Variants in LYRM2 observed in about 807,000 individuals in gnomAD.
LYRM2 encodes LYR motif containing 2, also known as LYR motif-containing protein 2.
A neutral mutation model predicts 11.6 loss-of-function variants in LYRM2; 8 were observed. That is an observed-to-expected ratio of 0.69 (90% CI 0.40 to 1.24). The LOEUF (loss-of-function observed/expected upper bound fraction) is 1.24. Ranked by LOEUF, LYRM2 falls within the 50% of genes most tolerant of loss-of-function variation. The pLI, the probability that LYRM2 is intolerant of heterozygous loss-of-function variation, is 0.01. For missense variants in LYRM2, 117 were observed against 102.9 expected (o/e 1.14, Z -0.59); for synonymous variants, 30 against 36.4 (o/e 0.83, Z 0.63).
In LYRM2 at chr6:89,637,754, A is replaced by T; in HGVS notation, c.174T>A (p.Ser58Arg). 6.2e-7 allele frequency: 1 copy of T among 1,613,896 alleles called. No individual in the cohort carries two copies. Among genetic ancestry groups the T allele is most frequent in the Non-Finnish European group, 8.5e-7 (1 of 1,179,902 alleles). Residue 58 changes from serine (S) to arginine (R), a missense_variant, in exon 2 of 3, where the codon AGT becomes AGA. Ser to Arg is a moderately radical substitution (Grantham distance 110). Transcript: ENST00000523377. ...ATTTTGTTCTCACCTCTTCGGTGGC[A>T]CTTTTGTTTCTTCTGAATTCTTCTC... is the stretch of plus-strand genomic sequence containing the variant. ...WAREEFRRNK[S>R]ATEEDTIRMM...
chr6:89,637,643 G>T, intron 2 of LYRM2, 99 bp downstream of exon 2: 1 of 1,137,790 alleles, frequency 8.8e-7, no homozygotes, highest in Non-Finnish European at 1.3e-6. Flanking sequence ...TACCAGCTCA[G>T]TGGCACTATA....
At position 89,637,366 on chromosome 6, in the gene LYRM2, G is replaced by A. The variant is rs980745919; in HGVS notation, c.187-13C>T. Reference sequence around the variant, plus strand: ...TCCGGATTGTATCCTGTAGAATAAAGTGAAATCTGGTTATAGTTTTACCTG... The same window carrying A: ...TCCGGATTGTATCCTGTAGAATAAAATGAAATCTGGTTATAGTTTTACCTG... On this transcript the variant is annotated splice_polypyrimidine_tract_variant and intron_variant, in intron 2 of 2. Transcript: ENST00000523377. The A allele has an allele frequency of 1.9e-6, 3 of 1,540,756 alleles. No individual in the cohort carries two copies. Among genetic ancestry groups the A allele is most frequent in the East Asian group, 2.3e-5 (1 of 44,402 alleles).
Position 89,637,869 on chromosome 6 carries a change from T to G in LYRM2, c.59A>C (p.Gln20Pro). 1 of 1,613,934 alleles carries G rather than the reference T, an allele frequency of 6.2e-7. No individual in the cohort carries two copies. Among genetic ancestry groups the G allele is most frequent in the Non-Finnish European group, 8.5e-7 (1 of 1,179,856 alleles). The change falls in exon 2 of 3, where the codon CAA (glutamine) becomes CCA (proline). Residue 20 changes from glutamine (Q) to proline (P), a missense_variant. Coordinates refer to ENST00000523377, the MANE Select transcript of LYRM2 (RefSeq NM_020466.5). ...TLTLKQFVRR[Q>P]QVLLLYRRIL... is the part of the protein sequence containing the mutation. Reference sequence around the variant, plus strand: ...CCTTCTGTAGAGGAGAAGAACTTGTTGCCTTCTTACGAACTGTAAAAGGGA... The same window carrying G: ...CCTTCTGTAGAGGAGAAGAACTTGTGGCCTTCTTACGAACTGTAAAAGGGA...
intron 1 of LYRM2, chr6:89,638,462 C>G: frequency 6.8e-7 from 1 of 1,475,268 alleles, no homozygotes; most frequent in South Asian, 1.4e-5. Context: ...CTGACGCTGT[C>G]TCACGCGATC....
At position 89,632,319 on chromosome 6, in the gene LYRM2, TTTC is replaced by T. The variant is rs562479361; in HGVS notation, c.*4951_*4953del. On this transcript the variant is annotated 3_prime_UTR_variant, in exon 3 of 3. Coordinates refer to ENST00000523377, the MANE Select transcript of LYRM2 (RefSeq NM_020466.5). ...TTTGTCAAGCTCAGTTTTAGGGTTT[TTTC>T]TTTTTTTTATAGTGACAATCCATAG... The T allele has an allele frequency of 1.5e-3, 221 of 152,026 alleles. No homozygotes were observed. Among genetic ancestry groups the T allele is most frequent in the African/African-American group, 5.1e-3 (213 of 41,448 alleles). 9.4% of individuals were successfully genotyped at this position (152,026 alleles called of 1,614,324 possible).
intron 1 of LYRM2, chr6:89,638,218 T>C (rs917475060): frequency 1.2e-5 from 12 of 974,982 alleles, no homozygotes; most frequent in Non-Finnish European, 1.5e-5. Flanking sequence ...TCTGATCTTT[T>C]TGCTTACTGC....
chr6:89,633,551 T>G lies in LYRM2; in HGVS notation c.*3722A>C, dbSNP rs1052432273. 19 of 152,328 alleles carry G rather than the reference T, an allele frequency of 1.2e-4. No individual in the cohort carries two copies. Among genetic ancestry groups the G allele is most frequent in the African/African-American group, 4.6e-4 (19 of 41,574 alleles). 9.4% of individuals were successfully genotyped at this position (152,328 alleles called of 1,614,324 possible). On this transcript the variant is annotated 3_prime_UTR_variant, in exon 3 of 3. Coordinates refer to ENST00000523377, the MANE Select transcript of LYRM2 (RefSeq NM_020466.5). Reference sequence around the variant, plus strand: ...GGGAAAAACTAAAACACAGAAATACTGTACAGTATTAGTGTTTTTTTAAAG... The same window carrying G: ...GGGAAAAACTAAAACACAGAAATACGGTACAGTATTAGTGTTTTTTTAAAG...
In LYRM2 at chr6:89,636,749, A is replaced by C; in HGVS notation, c.*524T>G. 1.4e-5 allele frequency: 2 copies of C among 148,050 alleles called. No homozygotes were observed. Among genetic ancestry groups the C allele is most frequent in the Middle Eastern group, 6.9e-3 (2 of 288 alleles). The allele number at this position is 148,050 out of a possible 1,614,324, so 9.2% of individuals were successfully genotyped here. A position where few individuals can be genotyped will look rare whatever the true frequency, so the allele number is the denominator to read the frequency against. The stretch of plus-strand genomic sequence containing the variant: ...GGCTGAAGTGCAGTGGCACGACCTC[A>C]GCTCACTGCAACCTCCACTTCCTGG... On this transcript the variant is annotated 3_prime_UTR_variant, in exon 3 of 3. Coordinates refer to ENST00000523377, the MANE Select transcript of LYRM2 (RefSeq NM_020466.5).
At position 89,638,591 on chromosome 6, in the gene LYRM2, G is replaced by A. The variant is rs955785763; in HGVS notation, c.45+81C>T. On this transcript the variant is annotated intron_variant, in intron 1 of 2. Transcript: ENST00000523377. ...ACGCCGCATCAGGACCCCGGAACCC[G>A]CCCCGTTGGGGATAGGGACAGATGG... is the stretch of plus-strand genomic sequence containing the variant. 2.9e-5 allele frequency: 47 copies of A among 1,600,822 alleles called. No individual in the cohort carries two copies. The African/African-American group carries it at 5.8e-4, about 20-fold the overall frequency.
chr6:89,632,856 A>G lies in LYRM2; in HGVS notation c.*4417T>C, dbSNP rs971121141. The G allele has an allele frequency of 6.6e-6, 1 of 152,222 alleles. No homozygotes were observed. The highest frequency in any genetic ancestry group is 2.4e-5 in the African/African-American group (1 of 41,456). 9.4% of individuals were successfully genotyped at this position (152,222 alleles called of 1,614,324 possible). On this transcript the variant is annotated 3_prime_UTR_variant, in exon 3 of 3. Transcript: ENST00000523377. ...AACCTCTTTAGAATCATTCCTCAGT[A>G]TACATCAATTTATTGAGAACTGCCT...
chr6:89,637,173 A>C lies in LYRM2; in HGVS notation c.*100T>G. ...TTTGCTCTCTATCACCAAATACTGT[A>C]CATATAAATAGTAAGACTGGGCTTT... On this transcript the variant is annotated 3_prime_UTR_variant, in exon 3 of 3. Transcript: ENST00000523377. 1.5e-6 allele frequency: 1 copy of C among 668,320 alleles called. No homozygotes were observed. The highest frequency in any genetic ancestry group is 2.7e-6 in the Non-Finnish European group (1 of 375,932). 41.4% of individuals were successfully genotyped at this position (668,320 alleles called of 1,614,324 possible).
rs533482571 is a variant in LYRM2, at chr6:89,637,281, T to C, written c.259A>G (p.Lys87Glu). 7 of 1,504,220 alleles carry C rather than the reference T, an allele frequency of 4.7e-6. No homozygotes were observed. In the African/African-American group the frequency reaches 9.6e-5, roughly 21 times the overall value. 93.2% of individuals were successfully genotyped at this position (1,504,220 alleles called of 1,614,324 possible). The change falls in exon 3 of 3, where the codon AAA (lysine) becomes GAA (glutamate). Residue 87 changes from lysine (K) to glutamate (E), a missense_variant. Lys to Glu is a moderately conservative substitution (Grantham distance 56). Coordinates refer to ENST00000523377, the MANE Select transcript of LYRM2 (RefSeq NM_020466.5). Reference sequence around the variant, plus strand: ...TCAGAATAATGCTATAGTTAAGATTTTGCTAAAGCAAGTGTTTTTTCTAAC... The same window carrying C: ...TCAGAATAATGCTATAGTTAAGATTCTGCTAAAGCAAGTGTTTTTTCTAAC... The part of the protein sequence containing the change: ...KELEKTLALA[K>E]S
At position 89,635,543 on chromosome 6, in the gene LYRM2, C is replaced by A. The variant is rs2128295254; in HGVS notation, c.*1730G>T. ...TCAGTTGATGCCTCTCAGACACAGT[C>A]CAGTACTGGATACCATTTATCATTC... On this transcript the variant is annotated 3_prime_UTR_variant, in exon 3 of 3. Transcript: ENST00000523377. 1 of 152,614 alleles carries A rather than the reference C, an allele frequency of 6.6e-6. No individual in the cohort carries two copies. Among genetic ancestry groups the A allele is most frequent in the Admixed American group, 6.5e-5 (1 of 15,298 alleles). The allele number at this position is 152,614 out of a possible 1,614,324, so 9.5% of individuals were successfully genotyped here. A position where few individuals can be genotyped will look rare whatever the true frequency, so the allele number is the denominator to read the frequency against.
At position 89,635,087 on chromosome 6, in the gene LYRM2, T is replaced by TG. The variant is rs747727460; in HGVS notation, c.*2185dup. On this transcript the variant is annotated 3_prime_UTR_variant, in exon 3 of 3. Transcript: ENST00000523377. The stretch of plus-strand genomic sequence containing the variant: ...AAAAACAAAAAAACTTAGGTTTTCT[T>TG]GGAGTCTGTGCTAGTTGAATCTTGC... 2.6e-5 allele frequency: 4 copies of TG among 152,250 alleles called. No individual in the cohort carries two copies. The highest frequency in any genetic ancestry group is 9.6e-5 in the African/African-American group (4 of 41,466). 9.4% of individuals were successfully genotyped at this position (152,250 alleles called of 1,614,324 possible). A position where few individuals can be genotyped will look rare whatever the true frequency, so the allele number is the denominator to read the frequency against.
chr6:89,637,570 T>C (rs1808041267), intron 2 of LYRM2, among the ~76,000 whole-genome samples, 172 bp downstream of exon 2: 1 of 152,124 alleles, frequency 6.6e-6, no homozygotes, highest in South Asian at 2.1e-4. Context: ...CTACATATTT[T>C]AAAATACTAA....
At position 89,635,055 on chromosome 6, in the gene LYRM2, T is replaced by C. The variant is rs1257927310; in HGVS notation, c.*2218A>G. ...GTAAGCCACAGTGCCCGGCCTTACC[T>C]GCTTTAAAAAACAAAAAAACTTAGG... On this transcript the variant is annotated 3_prime_UTR_variant, in exon 3 of 3. Transcript: ENST00000523377. The C allele has an allele frequency of 1.4e-5, 1 of 70,996 alleles. No individual in the cohort carries two copies. Among genetic ancestry groups the C allele is most frequent in the Non-Finnish European group, 2.8e-5 (1 of 36,306 alleles). 4.4% of individuals were successfully genotyped at this position (70,996 alleles called of 1,614,324 possible).
At position 89,638,697 on chromosome 6, in the gene LYRM2, G is replaced by T; in HGVS notation, c.20C>A (p.Pro7His). Reference sequence around the variant, plus strand: ...CTGCTTTAACGTTAGCGTCGCTGGGGGTAAGCGGGAAGCAGCCATGTCCAC... The same window carrying T: ...CTGCTTTAACGTTAGCGTCGCTGGGTGTAAGCGGGAAGCAGCCATGTCCAC... MAASRL[P>H]PATLTLKQFV... Residue 7 changes from proline (P) to histidine (H), a missense_variant, in exon 1 of 3, where the codon CCC (proline) becomes CAC (histidine). Coordinates refer to ENST00000523377, the MANE Select transcript of LYRM2 (RefSeq NM_020466.5). The T allele has an allele frequency of 6.8e-6, 11 of 1,614,148 alleles. No homozygotes were observed. The highest frequency in any genetic ancestry group is 8.5e-6 in the Non-Finnish European group (10 of 1,179,994).
chr6:89,638,298 T>TA, intron 1 of LYRM2: 1 of 1,167,776 alleles, frequency 8.6e-7, no homozygotes, highest in Non-Finnish European at 1.1e-6. Context: ...GCCGGTCTCC[T>TA]AGAAGTTGTT....
At chr6:89,637,594 A>C in intron 2 of LYRM2, 148 bp downstream of exon 2, 1 of 733,746 alleles carries the variant, frequency 1.4e-6, no homozygotes, top group Non-Finnish European at 2.2e-6. Flanking sequence ...TTAAAATAAT[A>C]ATTTAAAATC....
Sources: gnomAD v4.1 joint callset for allele counts (sites outside exome capture counted in the v4.1 genomes callset) on GRCh38, gnomAD v4.1.1 for gene constraint, MANE v1.5 for transcripts, NCBI Gene and HGNC (gene_info 2026-07-23, HGNC 2026-07-21) for gene names.